The following ECHDC1 variants were observed in gnomAD, a reference collection of about 807,000 sequenced individuals.
The protein encoded by ECHDC1 is ethylmalonyl-CoA decarboxylase.
A neutral mutation model predicts 29.7 loss-of-function variants in ECHDC1; 29 were observed. That is an observed-to-expected ratio of 0.98 (90% confidence interval 0.73 to 1.33). The LOEUF (loss-of-function observed/expected upper bound fraction) is 1.33. Among genes scored for constraint, ECHDC1 ranks in the 40% most tolerant of loss-of-function variants. ECHDC1 has a pLI of 0.00. For synonymous variants in ECHDC1, 126 were observed against 123.1 expected (o/e 1.02, Z -0.15); for missense variants, 328 against 350.0 (o/e 0.94, Z 0.50).
rs139627821 is a variant in ECHDC1, at chr6:127,332,312, A to C, written c.-2-1282T>G. ...GTAATCAGAGTCTAAATAGTCCATT[A>C]TTCTCATGGCTGTATTCTATTTGTG... On this transcript the variant is annotated intron_variant, in intron 1 of 5. Transcript: ENST00000454859. Among the ~76,000 whole-genome samples the C allele has an allele frequency of 3.9e-5, 6 of 152,342 alleles. No homozygotes were observed. The East Asian group carries it at 1.2e-3, about 29-fold the overall frequency.
rs1182428719 is a variant in ECHDC1 at position 127,330,835 on chromosome 6, T to G, written c.194A>C (p.Asn65Thr). 1 of 1,613,782 alleles carries G rather than the reference T, an allele frequency of 6.2e-7. No individual in the cohort carries two copies. Among genetic ancestry groups the G allele is most frequent in the East Asian group, 2.2e-5 (1 of 44,866 alleles). ...TGAAAAGGCATTCATTCTACTTGGATTGTTCAGAGTAAGAATGCCAATGCC... is the reference window on the plus strand; with the variant it reads ...TGAAAAGGCATTCATTCTACTTGGAGTGTTCAGAGTAAGAATGCCAATGCC... ...DNGIGILTLN[N>T]PSRMNAFSGV... The change falls in exon 2 of 6, where the codon AAT becomes ACT. Residue 65 changes from asparagine (N) to threonine (T), a missense_variant. Asn to Thr is a moderately conservative substitution (Grantham distance 65). Coordinates refer to ENST00000454859, the MANE Select transcript of ECHDC1 (RefSeq NM_001002030.2).
chr6:127,310,254 G>GTC (rs1483870885), intron 5 of ECHDC1, among the ~76,000 whole-genome samples: 3 of 152,004 alleles, frequency 2.0e-5, no homozygotes, highest in African/African-American at 7.2e-5. Context: ...TGGATTTTTT[G>GTC]TAACACAAAG....
intron 2 of ECHDC1, among the ~76,000 whole-genome samples, chr6:127,327,694 A>C (rs1045203546): frequency 6.6e-6 from 1 of 152,174 alleles, no homozygotes; most frequent in South Asian, 2.1e-4. Context: ...CATGGTTAAC[A>C]AACTGTCCTC....
At chr6:127,290,390 A>G in intron 5 of ECHDC1, 113 bp from the exon 6 acceptor site, 1 of 1,099,068 alleles carries the variant, frequency 9.1e-7, no homozygotes, top group East Asian at 2.6e-5. Flanking sequence ...ATAGGTAGGT[A>G]TATTAAAAAC....
chr6:127,304,101 G>T (rs1003531688), intron 5 of ECHDC1, among the ~76,000 whole-genome samples: 3 of 152,202 alleles, frequency 2.0e-5, no homozygotes, highest in Non-Finnish European at 4.4e-5. Flanking sequence ...ACCCAGTGCT[G>T]TGTTAGCTTC....
chr6:127,329,418 AATC>A (rs1360195088), intron 2 of ECHDC1, among the ~76,000 whole-genome samples: 1 of 152,220 alleles, frequency 6.6e-6, no homozygotes, highest in African/African-American at 2.4e-5. Context: ...TTCAGAAATA[AATC>A]ATCACTATTG....
At chr6:127,338,004 C>T (rs553900655) in intron 1 of ECHDC1, among the ~76,000 whole-genome samples, 137 of 152,212 alleles carry the variant, frequency 9.0e-4, no homozygotes, top group African/African-American at 3.2e-3. Context: ...GTATTCTTCA[C>T]TGGATTATTT....
At chr6:127,331,292 C>T (rs553737787) in intron 1 of ECHDC1, among the ~76,000 whole-genome samples, 1 of 151,942 alleles carries the variant, frequency 6.6e-6, no homozygotes, top group African/African-American at 2.4e-5. Flanking sequence ...ACTACAGGCA[C>T]CCATGACCAC....
At chr6:127,292,370 TA>T (rs1320970959) in intron 5 of ECHDC1, among the ~76,000 whole-genome samples, 5 of 152,090 alleles carry the variant, frequency 3.3e-5, no homozygotes, top group Admixed American at 3.3e-4. Flanking sequence ...TGCCTTATTT[TA>T]TAAGGTAAAG....
intron 2 of ECHDC1, 68 bp from the exon 3 acceptor site, chr6:127,327,212 A>C (rs1783433196): frequency 4.5e-6 from 7 of 1,544,920 alleles, no homozygotes; most frequent in Non-Finnish European, 2.6e-6. Context: ...ATAATTTATA[A>C]ATCACAAGTG....
At chr6:127,296,550 A>C (rs974834221) in intron 5 of ECHDC1, among the ~76,000 whole-genome samples, 9 of 152,308 alleles carry the variant, frequency 5.9e-5, no homozygotes, top group African/African-American at 2.2e-4. Flanking sequence ...AATATATGCA[A>C]AACACTTCAC....
chr6:127,329,836 T>C (rs747978358), intron 2 of ECHDC1: 1 of 450,308 alleles, frequency 2.2e-6, no homozygotes, highest in South Asian at 1.6e-5. Context: ...GTTTCTTACA[T>C]TATGTTTTCA....
chr6:127,293,744 C>G (rs1780378869), intron 5 of ECHDC1, among the ~76,000 whole-genome samples: 1 of 152,106 alleles, frequency 6.6e-6, no homozygotes, highest in Non-Finnish European at 1.5e-5. Context: ...ATAATAAACT[C>G]TGTATACTAG....
At chr6:127,335,017 A>C (rs1784309833) in intron 1 of ECHDC1, among the ~76,000 whole-genome samples, 2 of 152,162 alleles carry the variant, frequency 1.3e-5, no homozygotes, top group Admixed American at 6.5e-5. Flanking sequence ...GGGAGAATGT[A>C]GGCAAGTAAA....
At chr6:127,326,233 A>C (rs575352347) in intron 3 of ECHDC1, among the ~76,000 whole-genome samples, 1 of 152,216 alleles carries the variant, frequency 6.6e-6, no homozygotes, top group Non-Finnish European at 1.5e-5. Context: ...ATGAGTTCTC[A>C]TGAGACCTTG....
intron 5 of ECHDC1, among the ~76,000 whole-genome samples, chr6:127,311,301 A>G (rs1445807492): frequency 6.6e-6 from 1 of 152,196 alleles, no homozygotes; most frequent in Non-Finnish European, 1.5e-5. Flanking sequence ...TATGTTGTCT[A>G]CTAGAATCTA....
chr6:127,305,896 C>T (rs1333802310), intron 5 of ECHDC1, among the ~76,000 whole-genome samples: 1 of 150,496 alleles, frequency 6.6e-6, no homozygotes, highest in Non-Finnish European at 1.5e-5. Context: ...AAGAGAAGAC[C>T]ACAAAACAAC....
At chr6:127,299,552 GTGTT>G (rs779780292) in intron 5 of ECHDC1, among the ~76,000 whole-genome samples, 2 of 151,910 alleles carry the variant, frequency 1.3e-5, no homozygotes, top group African/African-American at 4.8e-5. Context: ...GCTGTAAAAT[GTGTT>G]TGTGTTTTAC....
At chr6:127,307,800 T>C (rs1236933484) in intron 5 of ECHDC1, among the ~76,000 whole-genome samples, 2 of 137,480 alleles carry the variant, frequency 1.5e-5, no homozygotes, top group Non-Finnish European at 3.2e-5. Flanking sequence ...AAACCAGACA[T>C]GAAAAAGGAG....
Sources: allele counts gnomAD v4.1 joint callset (sites outside exome capture counted in the v4.1 genomes callset), GRCh38; gene constraint gnomAD v4.1.1; transcripts MANE v1.5; gene names NCBI Gene and HGNC (gene_info 2026-07-23, HGNC 2026-07-21).